Variants in GPC5 observed in about 807,000 individuals in gnomAD.
GPC5 encodes glypican 5.
A neutral mutation model predicts 53.9 loss-of-function variants in GPC5; 47 were observed. That is an observed-to-expected ratio of 0.87 (90% confidence interval 0.69 to 1.11). The LOEUF is 1.11. GPC5 is among the 50% of genes most tolerant of loss of function. GPC5 has a pLI of 0.00. For synonymous variants in GPC5, 286 were observed against 263.3 expected, an observed-to-expected ratio of 1.09 and a Z score of -0.84; for missense variants, 748 against 713.1, an observed-to-expected ratio of 1.05 and a Z score of -0.56.
chr13:91,423,311 T>C (rs547876730), intron 1 of GPC5, among the ~76,000 whole-genome samples: 11 of 152,350 alleles, frequency 7.2e-5, no homozygotes, highest in African/African-American at 2.6e-4. Context: ...GCTTTGTGGC[T>C]GTTTTTATTA....
chr13:92,563,061 G>A (rs7330263), intron 7 of GPC5, among the ~76,000 whole-genome samples: 1 of 151,996 alleles, frequency 6.6e-6, no homozygotes, highest in East Asian at 1.9e-4. Context: ...TTTGGTGACG[G>A]GCAGGTACCA....
chr13:91,898,971 G>A (rs1359313498), intron 5 of GPC5, among the ~76,000 whole-genome samples: 2 of 152,176 alleles, frequency 1.3e-5, no homozygotes, highest in African/African-American at 2.4e-5. Context: ...AAGCCTGAGT[G>A]TAGCTAATTT....
chr13:92,194,030 A>T (rs1296731096), intron 7 of GPC5, among the ~76,000 whole-genome samples: 1 of 152,226 alleles, frequency 6.6e-6, no homozygotes, highest in Non-Finnish European at 1.5e-5. Context: ...ACTCAACAGT[A>T]ACTTAATACA....
intron 4 of GPC5, among the ~76,000 whole-genome samples, chr13:91,730,624 G>T (rs1322453136): frequency 6.6e-6 from 1 of 152,162 alleles, no homozygotes; most frequent in Non-Finnish European, 1.5e-5. Flanking sequence ...TGAAACTTCA[G>T]ATAGCACTGA....
intron 2 of GPC5, among the ~76,000 whole-genome samples, chr13:91,639,240 T>C (rs190686179): frequency 1.3e-5 from 2 of 152,326 alleles, no homozygotes; most frequent in Admixed American, 1.3e-4. Context: ...AAGATGTTTT[T>C]CCAGTTCCAC....
At chr13:91,544,715 G>A (rs56356348) in intron 2 of GPC5, among the ~76,000 whole-genome samples, 14,280 of 152,134 alleles carry the variant, frequency 0.094, 868 homozygotes, top group South Asian at 0.27. Flanking sequence ...CACTGTTCTA[G>A]TTATCTGTTA....
intron 2 of GPC5, among the ~76,000 whole-genome samples, chr13:91,647,070 CGTGTGTGTGTGTGT>C (rs66824666): frequency 5.0e-3 from 715 of 144,122 alleles, no homozygotes; most frequent in Middle Eastern, 0.011. Flanking sequence ...TATATATATG[CGTGTGTGTGTGTGT>C]GTGTGTGTGT....
intron 2 of GPC5, among the ~76,000 whole-genome samples, chr13:91,572,158 T>TAC (rs569900976): frequency 8.4e-6 from 1 of 119,156 alleles, no homozygotes; most frequent in Non-Finnish European, 1.7e-5. Flanking sequence ...TACGTGTGTA[T>TAC]ACACACACAT....
intron 6 of GPC5, among the ~76,000 whole-genome samples, chr13:92,056,230 G>A (rs1164095610): frequency 1.3e-5 from 2 of 151,904 alleles, no homozygotes; most frequent in East Asian, 1.9e-4. Flanking sequence ...TGCTTTCCTC[G>A]GCTCCTGACC....
At chr13:91,924,612 G>A (rs1477055903) in intron 6 of GPC5, among the ~76,000 whole-genome samples, 2 of 151,838 alleles carry the variant, frequency 1.3e-5, no homozygotes, top group African/African-American at 4.8e-5. Flanking sequence ...GTGGTGGTGG[G>A]CACCTGTAGT....
intron 7 of GPC5, among the ~76,000 whole-genome samples, chr13:92,617,822 GATTTT>G (rs1884744279): frequency 6.6e-6 from 1 of 151,988 alleles, no homozygotes; most frequent in South Asian, 2.1e-4. Context: ...ATACTTACAG[GATTTT>G]ATTCTTTTTT....
chr13:92,088,557 C>G lies in GPC5; in HGVS notation c.1402-56273C>G, dbSNP rs149716903. Among the ~76,000 whole-genome samples the G allele has an allele frequency of 3.2e-4, 49 of 152,226 alleles. 1 individual carries two copies. The South Asian group carries it at 6.6e-3, about 21-fold the overall frequency. On this transcript the variant is annotated intron_variant, in intron 6 of 7. Coordinates refer to ENST00000377067, the MANE Select transcript of GPC5 (RefSeq NM_004466.6). ...TCTTTCACCTGCCTCCTTGCCTCAC[C>G]TCAATCAGTCATTGGCTATGGGCCA...
intron 7 of GPC5, among the ~76,000 whole-genome samples, chr13:92,237,600 T>C (rs2139110251): frequency 1.3e-5 from 2 of 152,324 alleles, no homozygotes; most frequent in South Asian, 4.1e-4. Context: ...TATGTGTATA[T>C]TTGACATACT....
At chr13:92,659,972 T>C (rs1886281022) in intron 7 of GPC5, among the ~76,000 whole-genome samples, 2 of 152,206 alleles carry the variant, frequency 1.3e-5, no homozygotes, top group Admixed American at 1.3e-4. Flanking sequence ...ACTGCTTGTA[T>C]ATGAAACCAT....
chr13:92,816,850 A>G (rs1436022157), intron 7 of GPC5, among the ~76,000 whole-genome samples: 1 of 151,954 alleles, frequency 6.6e-6, no homozygotes, highest in Non-Finnish European at 1.5e-5. Flanking sequence ...AATCTCTGAA[A>G]TATGTAAACT....
At chr13:91,411,343 C>T (rs1877769675) in intron 1 of GPC5, among the ~76,000 whole-genome samples, 1 of 152,188 alleles carries the variant, frequency 6.6e-6, no homozygotes, top group African/African-American at 2.4e-5. Context: ...AGGGTCTTGG[C>T]AAGTCCCCTA....
At chr13:91,612,396 G>A (rs1219106323) in intron 2 of GPC5, among the ~76,000 whole-genome samples, 1 of 152,166 alleles carries the variant, frequency 6.6e-6, no homozygotes, top group African/African-American at 2.4e-5. Context: ...CTTAGATTTT[G>A]ATAAGTTTTC....
intron 7 of GPC5, among the ~76,000 whole-genome samples, chr13:92,503,727 G>A (rs1880269965): frequency 6.6e-6 from 1 of 151,808 alleles, no homozygotes; most frequent in Admixed American, 6.6e-5. Flanking sequence ...CAATAAGTCT[G>A]TATCACAAAA....
chr13:92,447,238 G>A (rs577915594), intron 7 of GPC5: 1 of 152,034 alleles, frequency 6.6e-6, no homozygotes, highest in Admixed American at 6.6e-5. Flanking sequence ...TTTCCCCAAA[G>A]TTTTCTTTTA....
Sources: allele counts gnomAD v4.1 joint callset (sites outside exome capture counted in the v4.1 genomes callset), GRCh38; gene constraint gnomAD v4.1.1; transcripts MANE v1.5; gene names NCBI Gene and HGNC (gene_info 2026-07-23, HGNC 2026-07-21).